Variants in WDR7 observed in about 807,000 individuals in gnomAD.
The protein encoded by WDR7 is WD repeat domain 7, also known as WD repeat-containing protein 7.
Under a neutral mutation model 169.4 loss-of-function variants are expected in WDR7, and 46 were observed. The observed-to-expected ratio is 0.27, with a 90% CI of 0.21 to 0.35. WDR7 has a LOEUF of 0.35. WDR7 is among the 10% of genes least tolerant of loss of function. WDR7 has a pLI of 1.00. For missense variants in WDR7, 1,534 were observed against 1,859.3 expected, an observed-to-expected ratio of 0.83 and a Z score of 3.22; for synonymous variants, 612 against 666.8, an observed-to-expected ratio of 0.92 and a Z score of 1.27.
In WDR7 at chr18:56,983,404, A is replaced by G. The variant is rs544723963; in HGVS notation, c.4164+20875A>G. The stretch of plus-strand genomic sequence containing the variant: ...ACTCAGTTTTGTTGTCATGGTGACT[A>G]GATAATATAACTTTTCAAAAATGGA... On this transcript the variant is annotated intron_variant, in intron 26 of 27. Transcript: ENST00000254442. Among the ~76,000 whole-genome samples the G allele has an allele frequency of 2.0e-5, 3 of 152,324 alleles. No individual in the cohort carries two copies. In the East Asian group the frequency reaches 5.8e-4, roughly 29 times the overall value.
intron 20 of WDR7, among the ~76,000 whole-genome samples, chr18:56,817,716 T>G (rs1469859168): frequency 6.6e-6 from 1 of 152,096 alleles, no homozygotes; most frequent in Non-Finnish European, 1.5e-5. Context: ...TTTGTTTTGG[T>G]AGCTGCTAAA....
chr18:56,838,799 T>C (rs1168085151), intron 20 of WDR7, among the ~76,000 whole-genome samples: 2 of 152,170 alleles, frequency 1.3e-5, no homozygotes, highest in African/African-American at 2.4e-5. Context: ...GTGTAGAGCA[T>C]GTTAATCATC....
rs762232596 is a variant in WDR7, at chr18:56,695,094, A to G, written c.1253A>G (p.His418Arg). The G allele has an allele frequency of 5.5e-5, 88 of 1,614,156 alleles. 1 individual carries two copies. The Middle Eastern group carries it at 5.1e-3, about 94-fold the overall frequency. ...KVTASVYIPA[H>R]GRLVCGREDG... ...ACTGCAAGTGTGTACATACCAGCAC[A>G]TGGACGACTTGTTTGTGGTCGTGAA... Residue 418 changes from histidine to arginine, a missense_variant, in exon 11 of 28, where the codon CAT (histidine) becomes CGT (arginine). Transcript: ENST00000254442.
intron 20 of WDR7, among the ~76,000 whole-genome samples, chr18:56,831,869 C>T (rs377587350): frequency 2.6e-5 from 4 of 152,194 alleles, no homozygotes; most frequent in African/African-American, 7.2e-5. Context: ...CGTGTGCCTA[C>T]ACCACCAGGG....
rs766615140 is a variant in WDR7, at chr18:56,669,983, A to C, written c.-19-2514A>C. On this transcript the variant is annotated intron_variant, in intron 1 of 27. Coordinates refer to ENST00000254442, the MANE Select transcript of WDR7 (RefSeq NM_015285.3). The stretch of plus-strand genomic sequence containing the variant: ...ATTTACATTGCCCTTTTTTCCCCTT[A>C]AAAAACTTCCTTGTGTTGGCAGTTT... 6.6e-5 allele frequency among the ~76,000 whole-genome samples: 10 copies of C among 152,170 alleles called. No individual in the cohort carries two copies. In the South Asian group the frequency reaches 8.3e-4, roughly 13 times the overall value.
intron 19 of WDR7, among the ~76,000 whole-genome samples, chr18:56,792,511 T>G (rs986393735): frequency 6.6e-6 from 1 of 152,140 alleles, no homozygotes; most frequent in Non-Finnish European, 1.5e-5. Flanking sequence ...TAAATCCATG[T>G]TTTTCAAACA....
rs567434494 is a variant in WDR7 at position 56,677,933 on chromosome 18, A to T, written c.160-1399A>T. ...AGGCTATTTTCTAGATCCTGTAGGC[A>T]TGCTTCATGGCTTTTTATTCTCTTT... On this transcript the variant is annotated intron_variant, in intron 2 of 27. Transcript: ENST00000254442. Among the ~76,000 whole-genome samples the T allele has an allele frequency of 3.3e-5, 5 of 152,220 alleles. No homozygotes were observed. In the South Asian group the frequency reaches 1.0e-3, roughly 32 times the overall value.
intron 21 of WDR7, among the ~76,000 whole-genome samples, chr18:56,888,921 G>T (rs2046231059): frequency 6.6e-6 from 1 of 152,130 alleles, no homozygotes; most frequent in Admixed American, 6.5e-5. Context: ...TAGTTACATA[G>T]AAGGCCTCAG....
At chr18:56,863,219 T>C (rs1283178637) in intron 20 of WDR7, among the ~76,000 whole-genome samples, 5 of 151,840 alleles carry the variant, frequency 3.3e-5, no homozygotes, top group Admixed American at 1.3e-4. Flanking sequence ...TCTTTTCTTA[T>C]TTTTACCTTT....
intron 20 of WDR7, 85 bp from the exon 21 acceptor site, chr18:56,879,859 C>T (rs934096326): frequency 4.7e-5 from 50 of 1,074,548 alleles, no homozygotes; most frequent in Middle Eastern, 6.2e-4. Flanking sequence ...TCTTTCCGAA[C>T]GTGCAGTCCT....
intron 21 of WDR7, among the ~76,000 whole-genome samples, chr18:56,914,496 G>C (rs147079927): frequency 6.6e-6 from 1 of 152,116 alleles, no homozygotes; most frequent in Non-Finnish European, 1.5e-5. Context: ...ATAGGTGCTC[G>C]AGCTAGAACT....
At chr18:57,001,776 A>C (rs1339089999) in intron 26 of WDR7, among the ~76,000 whole-genome samples, 1 of 152,140 alleles carries the variant, frequency 6.6e-6, no homozygotes, top group Non-Finnish European at 1.5e-5. Flanking sequence ...ATATAAATGG[A>C]ATCATACAGC....
At chr18:56,929,873 TATTG>T (rs1470166251) in intron 22 of WDR7, among the ~76,000 whole-genome samples, 24 of 152,326 alleles carry the variant, frequency 1.6e-4, no homozygotes, top group African/African-American at 4.8e-4. Context: ...GTCATGTACA[TATTG>T]ATTGATAACA....
chr18:56,913,623 C>CAAAAAAAAAA (rs3045241), intron 21 of WDR7, among the ~76,000 whole-genome samples: 1 of 134,828 alleles, frequency 7.4e-6, no homozygotes. Context: ...CCCATCTCTA[C>CAAAAAAAAAA]AAAAAAAAAA....
intron 12 of WDR7, among the ~76,000 whole-genome samples, chr18:56,717,650 A>C (rs2026222057): frequency 6.6e-6 from 1 of 152,180 alleles, no homozygotes; most frequent in Non-Finnish European, 1.5e-5. Flanking sequence ...ATAACAGATC[A>C]ATTTTTTCTC....
At chr18:56,797,472 G>A (rs758510331) in intron 19 of WDR7, among the ~76,000 whole-genome samples, 16 of 151,572 alleles carry the variant, frequency 1.1e-4, no homozygotes, top group Non-Finnish European at 2.4e-4. Context: ...TTAGTTCCAT[G>A]TAGTTTTTAA....
At chr18:57,003,389 T>C (rs755378173) in intron 26 of WDR7, among the ~76,000 whole-genome samples, 2 of 152,124 alleles carry the variant, frequency 1.3e-5, no homozygotes, top group Non-Finnish European at 2.9e-5. Flanking sequence ...GAAATGTTGT[T>C]ACTTTTTGAA....
intron 26 of WDR7, among the ~76,000 whole-genome samples, chr18:56,988,720 A>G (rs1433868991): frequency 6.6e-6 from 1 of 151,948 alleles, no homozygotes; most frequent in Non-Finnish European, 1.5e-5. Context: ...CAGAAGAAGC[A>G]TGGTTGTGCT....
At chr18:56,738,264 A>G (rs1040715103) in intron 14 of WDR7, among the ~76,000 whole-genome samples, 1 of 152,220 alleles carries the variant, frequency 6.6e-6, no homozygotes, top group Non-Finnish European at 1.5e-5. Context: ...TGGTGATTAT[A>G]TGATATAGAG....
Sources: allele counts gnomAD v4.1 joint callset (sites outside exome capture counted in the v4.1 genomes callset), GRCh38; gene constraint gnomAD v4.1.1; transcripts MANE v1.5; gene names NCBI Gene and HGNC (gene_info 2026-07-23, HGNC 2026-07-21).